The following COLGALT2 variants were observed in gnomAD, a reference collection of about 807,000 sequenced individuals.
COLGALT2 encodes collagen beta(1-O)galactosyltransferase 2, also known as procollagen galactosyltransferase 2.
COLGALT2 carries 49 observed loss-of-function variants against 73.4 expected under a neutral mutation model. The ratio of observed to expected loss-of-function variants is 0.67; its 90% CI spans 0.53 to 0.85. The LOEUF (loss-of-function observed/expected upper bound fraction) is 0.85. COLGALT2 is among the 40% of genes least tolerant of loss of function. The pLI is 0.00. For synonymous variants in COLGALT2, 295 were observed against 307.6 expected (o/e 0.96, Z 0.43); for missense variants, 722 against 790.2 (o/e 0.91, Z 1.03).
At chr1:183,997,300 T>C (rs757548688) in intron 1 of COLGALT2, among the ~76,000 whole-genome samples, 3 of 152,138 alleles carry the variant, frequency 2.0e-5, no homozygotes, top group Non-Finnish European at 4.4e-5. Context: ...TAAGATTATA[T>C]AGACGTTTAA....
chr1:183,998,486 T>C (rs914730675), intron 1 of COLGALT2, among the ~76,000 whole-genome samples: 2 of 152,232 alleles, frequency 1.3e-5, no homozygotes, highest in Admixed American at 6.5e-5. Flanking sequence ...GTTTGTCCAC[T>C]ATTTTTAGGA....
At chr1:183,998,917 A>G (rs553023586) in intron 1 of COLGALT2, among the ~76,000 whole-genome samples, 74 of 152,142 alleles carry the variant, frequency 4.9e-4, no homozygotes, top group African/African-American at 1.7e-3. Flanking sequence ...ATTCTGCTAT[A>G]TTTTTCTACC....
intron 1 of COLGALT2, among the ~76,000 whole-genome samples, chr1:184,008,122 C>T (rs1465184027): frequency 2.6e-5 from 4 of 152,152 alleles, no homozygotes; most frequent in African/African-American, 4.8e-5. Flanking sequence ...GGCAAACAGA[C>T]GTCAACCTTC....
chr1:184,030,985 T>G (rs555025707), intron 1 of COLGALT2, among the ~76,000 whole-genome samples: 4 of 152,328 alleles, frequency 2.6e-5, no homozygotes, highest in African/African-American at 9.6e-5. Context: ...TTACTAATTC[T>G]GTAGTTAAGC....
Position 183,951,052 on chromosome 1 carries a change from T to C in COLGALT2, c.1091A>G (p.Tyr364Cys). ...DRRDRMLRTL[Y>C]EQEIEVKIVE... ...AATCTTGACCTCAATCTCCTGTTCA[T>C]ACAGTGTGCGCAGCATCCGGTCCCG... The change falls in exon 8 of 12, where the codon TAT (tyrosine) becomes TGT (cysteine). Residue 364 changes from tyrosine (Y) to cysteine (C), a missense_variant. Tyr to Cys is a radical substitution (Grantham distance 194). Transcript: ENST00000361927. 2 of 1,613,968 alleles carry C rather than the reference T, an allele frequency of 1.2e-6. 1 individual carries two copies. The highest frequency in any genetic ancestry group is 2.2e-5 in the South Asian group (2 of 91,052).
At chr1:183,930,401 A>G (rs1332077365) in intron 11 of COLGALT2, 1 of 409,660 alleles carries the variant, frequency 2.4e-6, no homozygotes, top group Non-Finnish European at 4.8e-6. Context: ...TTTTAATTTA[A>G]TTTTATTTTT....
In COLGALT2 at chr1:183,978,394, C is replaced by T. The variant is rs542831521; in HGVS notation, c.374+16G>A. 17 of 1,437,800 alleles carry T rather than the reference C, an allele frequency of 1.2e-5. No individual in the cohort carries two copies. The highest frequency in any genetic ancestry group is 4.6e-5 in the East Asian group (2 of 43,754). 89.1% of individuals were successfully genotyped at this position (1,437,800 alleles called of 1,614,324 possible). On this transcript the variant is annotated intron_variant, in intron 2 of 11. Coordinates refer to ENST00000361927, the MANE Select transcript of COLGALT2 (RefSeq NM_015101.4). Reference sequence around the variant, plus strand: ...GGGTAAATAATGAGTTTACAAATTTCGCACTTGCTACTCACTCTGGTTCAT... The same window carrying T: ...GGGTAAATAATGAGTTTACAAATTTTGCACTTGCTACTCACTCTGGTTCAT...
At chr1:183,934,064 T>C, downstream of COLGALT2, among the ~76,000 whole-genome samples, 1 of 152,024 alleles carries the variant, frequency 6.6e-6, no homozygotes, top group Non-Finnish European at 1.5e-5. Context: ...ATTTCAGTAA[T>C]TCACAGAGCA....
At chr1:183,972,249 G>A (rs1304033577) in intron 4 of COLGALT2, among the ~76,000 whole-genome samples, 1 of 152,166 alleles carries the variant, frequency 6.6e-6, no homozygotes, top group East Asian at 1.9e-4. Flanking sequence ...GGAACTATAG[G>A]TGTGCACGAC....
intron 1 of COLGALT2, among the ~76,000 whole-genome samples, chr1:184,003,745 A>G (rs981531283): frequency 6.6e-6 from 1 of 152,118 alleles, no homozygotes; most frequent in Non-Finnish European, 1.5e-5. Flanking sequence ...ATACCATTTC[A>G]ATTTTTCTAT....
chr1:183,981,770 A>G (rs1482219615), intron 1 of COLGALT2, among the ~76,000 whole-genome samples: 3 of 152,204 alleles, frequency 2.0e-5, no homozygotes, highest in Non-Finnish European at 4.4e-5. Flanking sequence ...AATTTTTTTT[A>G]TCTCCTAAAA....
chr1:183,952,684 G>A (rs541634361), intron 7 of COLGALT2, among the ~76,000 whole-genome samples: 3 of 152,326 alleles, frequency 2.0e-5, no homozygotes, highest in African/African-American at 7.2e-5. Context: ...AGAAACTGAT[G>A]GAGGAGCAAG....
chr1:183,950,703 T>C (rs1194316694), intron 8 of COLGALT2, among the ~76,000 whole-genome samples: 2 of 152,164 alleles, frequency 1.3e-5, no homozygotes, highest in Non-Finnish European at 2.9e-5. Flanking sequence ...ACATTCCTTC[T>C]GTTACACTAC....
At chr1:184,028,386 G>A (rs899355655) in intron 1 of COLGALT2, among the ~76,000 whole-genome samples, 2 of 152,112 alleles carry the variant, frequency 1.3e-5, no homozygotes, top group African/African-American at 4.8e-5. Flanking sequence ...TCTCTCTCTT[G>A]TGAGAATGAG....
At chr1:184,010,773 C>A (rs1485564153) in intron 1 of COLGALT2, among the ~76,000 whole-genome samples, 2 of 152,208 alleles carry the variant, frequency 1.3e-5, no homozygotes, top group Non-Finnish European at 2.9e-5. Flanking sequence ...GAAAGAACTT[C>A]AAGGTTTCTT....
chr1:184,004,955 A>G (rs993138981), intron 1 of COLGALT2, among the ~76,000 whole-genome samples: 1 of 152,248 alleles, frequency 6.6e-6, no homozygotes, highest in East Asian at 1.9e-4. Flanking sequence ...GTTTGTGAAA[A>G]CCATTGGGAA....
intron 1 of COLGALT2, among the ~76,000 whole-genome samples, chr1:184,028,586 T>C (rs1273692949): frequency 6.6e-6 from 1 of 152,200 alleles, no homozygotes; most frequent in African/African-American, 2.4e-5. Context: ...TATCCCTCAA[T>C]AGGTCTTGAA....
intron 1 of COLGALT2, among the ~76,000 whole-genome samples, chr1:184,015,356 C>G (rs934432877): frequency 6.6e-6 from 1 of 152,178 alleles, no homozygotes; most frequent in African/African-American, 2.4e-5. Context: ...GTGCTCTAAC[C>G]AACGTTGCCA....
chr1:184,018,952 A>C (rs761140026), intron 1 of COLGALT2, among the ~76,000 whole-genome samples: 6 of 152,222 alleles, frequency 3.9e-5, no homozygotes, highest in Non-Finnish European at 7.3e-5. Flanking sequence ...AAAGCAAACC[A>C]GATTATAATT....
Sources: allele counts gnomAD v4.1 joint callset (sites outside exome capture counted in the v4.1 genomes callset), GRCh38; gene constraint gnomAD v4.1.1; transcripts MANE v1.5; gene names NCBI Gene and HGNC (gene_info 2026-07-23, HGNC 2026-07-21).